The following ORC2 variants were observed in gnomAD, a reference collection of about 807,000 sequenced individuals.
ORC2 encodes the protein origin recognition complex subunit 2, also known as origin recognition complex protein 2 homolog.
ORC2 carries 37 observed loss-of-function variants against 77.7 expected under a neutral mutation model. The ratio of observed to expected loss-of-function variants is 0.48; its 90% CI spans 0.37 to 0.63. The LOEUF (loss-of-function observed/expected upper bound fraction) is 0.63. Among genes scored for constraint, ORC2 ranks in the 20% least tolerant of loss-of-function variants. ORC2 has a pLI of 0.00. For synonymous variants in ORC2, 201 were observed against 229.5 expected, an observed-to-expected ratio of 0.88 and a Z score of 1.12; for missense variants, 557 against 661.9, an observed-to-expected ratio of 0.84 and a Z score of 1.74.
In ORC2 at chr2:200,958,145, C is replaced by T. The variant is rs1482507093; in HGVS notation, c.-10-12G>A. On this transcript the variant is annotated splice_polypyrimidine_tract_variant and intron_variant, in intron 2 of 17. Coordinates refer to ENST00000234296, the MANE Select transcript of ORC2 (RefSeq NM_006190.5). ...TCATTGTTGCCAACCTAAACAAAAA[C>T]AGTAAGTTACTCAAAAGTGATGAAG... The T allele has an allele frequency of 1.4e-6, 2 of 1,474,474 alleles. No individual in the cohort carries two copies. The highest frequency in any genetic ancestry group is 2.8e-5 in the African/African-American group (2 of 72,178). The allele number at this position is 1,474,474 out of a possible 1,614,324, so 91.3% of individuals were successfully genotyped here.
In ORC2 at chr2:200,926,884, C is replaced by A; in HGVS notation, c.934G>T (p.Val312Leu). Residue 312 changes from valine (V) to leucine (L), a missense_variant, in exon 12 of 18, where the codon GTG becomes TTG. Coordinates refer to ENST00000234296, the MANE Select transcript of ORC2 (RefSeq NM_006190.5). Reference sequence around the variant, plus strand: ...CTCTTAGAACCCAAACCATAAAGCACAATGTTGAACCCAAGGCTGTTAGGA... The same window carrying A: ...CTCTTAGAACCCAAACCATAAAGCAAAATGTTGAACCCAAGGCTGTTAGGA... ...MLQLHLGFNI[V>L]LYGLGSKRDL... 6.2e-7 allele frequency: 1 copy of A among 1,613,888 alleles called. No homozygotes were observed. Among genetic ancestry groups the A allele is most frequent in the Non-Finnish European group, 8.5e-7 (1 of 1,179,886 alleles).
intron 15 of ORC2, among the ~76,000 whole-genome samples, chr2:200,918,912 C>T (rs16835655): frequency 0.014 from 2,119 of 152,230 alleles, 31 homozygotes; most frequent in Non-Finnish European, 0.02. Context: ...GCTCTATCAC[C>T]CAGGCTGGAG....
chr2:200,958,402 A>G (rs911945154), intron 2 of ORC2, among the ~76,000 whole-genome samples: 1 of 152,340 alleles, frequency 6.6e-6, no homozygotes, highest in Non-Finnish European at 1.5e-5. Flanking sequence ...GAAAAATAAA[A>G]TAAAATATTC....
chr2:200,950,271 C>T (rs1190928219), intron 4 of ORC2, among the ~76,000 whole-genome samples: 1 of 151,982 alleles, frequency 6.6e-6, no homozygotes, highest in East Asian at 1.9e-4. Flanking sequence ...GCAGAGGTTG[C>T]GGTGAGCAGA....
chr2:200,928,649 T>C (rs895928737), intron 11 of ORC2, among the ~76,000 whole-genome samples: 3 of 151,434 alleles, frequency 2.0e-5, no homozygotes, highest in Non-Finnish European at 4.4e-5. Context: ...CTGTCTCTAC[T>C]AAAAATACAA....
chr2:200,951,634 T>A (rs1328203566), intron 4 of ORC2, among the ~76,000 whole-genome samples: 1 of 152,256 alleles, frequency 6.6e-6, no homozygotes, highest in Non-Finnish European at 1.5e-5. Context: ...TATTTTCATA[T>A]GCTTATTGGC....
In ORC2 at chr2:200,914,007, A is replaced by AC; in HGVS notation, c.1467-16_1467-15insG. 1.3e-6 allele frequency: 2 copies of AC among 1,522,428 alleles called. No homozygotes were observed. Among genetic ancestry groups the AC allele is most frequent in the Non-Finnish European group, 1.8e-6 (2 of 1,116,540 alleles). 94.3% of individuals were successfully genotyped at this position (1,522,428 alleles called of 1,614,324 possible). ...TGAAAATTCCCCTAAAAAAAAAAAAAAACAGGAATTTAAATCCAAAAATGT... is the reference window on the plus strand; with the variant it reads ...TGAAAATTCCCCTAAAAAAAAAAAAACAACAGGAATTTAAATCCAAAAATGT... On this transcript the variant is annotated splice_polypyrimidine_tract_variant and intron_variant, in intron 15 of 17. Coordinates refer to ENST00000234296, the MANE Select transcript of ORC2 (RefSeq NM_006190.5).
chr2:200,940,647 CA>C (rs1445900600), intron 7 of ORC2, among the ~76,000 whole-genome samples: 2 of 151,362 alleles, frequency 1.3e-5, no homozygotes, highest in Non-Finnish European at 2.9e-5. Flanking sequence ...ACTAAAAATA[CA>C]AAAATTAGCC....
intron 8 of ORC2, among the ~76,000 whole-genome samples, chr2:200,936,534 G>C (rs746558193): frequency 1.3e-5 from 2 of 152,178 alleles, no homozygotes; most frequent in Admixed American, 1.3e-4. Context: ...GGTCCTTAAT[G>C]ATACTGTTAA....
intron 4 of ORC2, among the ~76,000 whole-genome samples, chr2:200,950,825 TCCA>T (rs1231586198): frequency 1.3e-5 from 2 of 152,258 alleles, no homozygotes; most frequent in East Asian, 3.8e-4. Context: ...GATCTGTATT[TCCA>T]CCAACGCTTG....
At chr2:200,941,874 T>C (rs10207973) in intron 6 of ORC2, among the ~76,000 whole-genome samples, 49,315 of 151,678 alleles carry the variant, frequency 0.33, 10,825 homozygotes, top group African/African-American at 0.62. Flanking sequence ...GTAATCCCAG[T>C]TATTCAGGAG....
At chr2:200,926,457 AAGC>A (rs1457333602) in intron 12 of ORC2, among the ~76,000 whole-genome samples, 6 of 152,194 alleles carry the variant, frequency 3.9e-5, no homozygotes, top group African/African-American at 1.4e-4. Flanking sequence ...TTGCCTAATA[AAGC>A]ATTTTCATAG....
intron 16 of ORC2, chr2:200,913,679 C>A: frequency 7.9e-7 from 1 of 1,267,234 alleles, no homozygotes. Context: ...TTGGCAGATA[C>A]ACATCCATAG....
At chr2:200,960,765 G>A (rs917222972) in intron 1 of ORC2, among the ~76,000 whole-genome samples, 1 of 151,932 alleles carries the variant, frequency 6.6e-6, no homozygotes, top group Admixed American at 6.6e-5. Context: ...AATTCACTTC[G>A]GACTGATCCT....
At chr2:200,927,340 C>T (rs1325676146) in intron 11 of ORC2, among the ~76,000 whole-genome samples, 1 of 151,780 alleles carries the variant, frequency 6.6e-6, no homozygotes, top group South Asian at 2.1e-4. Context: ...CACCTTGGCC[C>T]CCAAAATTGC....
At chr2:200,934,932 C>A (rs1426769431) in intron 9 of ORC2, among the ~76,000 whole-genome samples, 8 of 152,136 alleles carry the variant, frequency 5.3e-5, no homozygotes. Flanking sequence ...AAGGTGCCTG[C>A]AATGTTCTTC....
chr2:200,959,660 G>C (rs1206575460), intron 1 of ORC2, among the ~76,000 whole-genome samples: 3 of 152,224 alleles, frequency 2.0e-5, no homozygotes, highest in African/African-American at 7.2e-5. Flanking sequence ...AGTGGGAAGA[G>C]AGGAGGACAA....
chr2:200,933,354 G>C (rs1170839516), intron 10 of ORC2, among the ~76,000 whole-genome samples: 1 of 150,776 alleles, frequency 6.6e-6, no homozygotes, highest in Non-Finnish European at 1.5e-5. Flanking sequence ...TTTGTGCAAA[G>C]TTTTTAACTG....
intron 4 of ORC2, 45 bp from the exon 5 acceptor site, chr2:200,949,688 A>C: frequency 8.6e-7 from 1 of 1,164,352 alleles, no homozygotes; most frequent in Non-Finnish European, 1.3e-6. Flanking sequence ...AAAGAACAAA[A>C]TTAACAGAAA....
Sources: allele counts gnomAD v4.1 joint callset (sites outside exome capture counted in the v4.1 genomes callset), GRCh38; gene constraint gnomAD v4.1.1; transcripts MANE v1.5; gene names NCBI Gene and HGNC (gene_info 2026-07-23, HGNC 2026-07-21).